The following DNAH12 variants were observed in gnomAD, a reference collection of about 807,000 sequenced individuals.
DNAH12 encodes axonemal beta dynein heavy chain 12.
A neutral mutation model predicts 371.5 loss-of-function variants in DNAH12; 285 were observed. The ratio of observed to expected loss-of-function variants is 0.77; its 90% CI spans 0.70 to 0.85. The LOEUF (loss-of-function observed/expected upper bound fraction) is 0.85. DNAH12 is among the 40% of genes least tolerant of loss of function. The pLI, the probability that DNAH12 is intolerant of heterozygous loss-of-function variation, is 0.00. For synonymous variants in DNAH12, 1,200 were observed against 1,213.0 expected (o/e 0.99, Z 0.22); for missense variants, 3,611 against 3,689.4 (o/e 0.98, Z 0.55).
chr3:57,355,332 C>T lies in DNAH12; in HGVS notation c.9533+1844G>A, dbSNP rs1047583803. ...GTCATTAATGGTTCATGTACTCAAACATATAATAAAATTAAAGTCAACAAA... is the reference window on the plus strand; with the variant it reads ...GTCATTAATGGTTCATGTACTCAAATATATAATAAAATTAAAGTCAACAAA... On this transcript the variant is annotated intron_variant, in intron 59 of 73. Coordinates refer to ENST00000495027, the MANE Select transcript of DNAH12 (RefSeq NM_001366028.2). Among the ~76,000 whole-genome samples, 671 of 151,932 alleles carry T rather than the reference C, an allele frequency of 4.4e-3. 7 individuals carry two copies. The highest frequency in any genetic ancestry group is 0.016 in the African/African-American group (652 of 41,448).
chr3:57,439,842 A>AG (rs34466126), intron 29 of DNAH12, among the ~76,000 whole-genome samples: 2 of 37,758 alleles, frequency 5.3e-5, no homozygotes, highest in Non-Finnish European at 1.2e-4. Context: ...ATTGAACAGG[A>AG]AAAAAAAACA....
chr3:57,441,488 T>A (rs951720225), intron 29 of DNAH12, among the ~76,000 whole-genome samples: 1 of 152,106 alleles, frequency 6.6e-6, no homozygotes, highest in African/African-American at 2.4e-5. Context: ...AATTAAGGCA[T>A]AAAAACATAT....
At position 57,448,093 on chromosome 3, in the gene DNAH12, T is replaced by C. The variant is rs375826609; in HGVS notation, c.3787-1404A>G. 2.6e-5 allele frequency among the ~76,000 whole-genome samples: 4 copies of C among 152,346 alleles called. No individual in the cohort carries two copies. In the East Asian group the frequency reaches 5.8e-4, roughly 22 times the overall value. ...AATGTTCACAAACATGTTCCCTTTA[T>C]TGTGAATAATAAATATACTAGTGTG... is the stretch of plus-strand genomic sequence containing the variant. On this transcript the variant is annotated intron_variant, in intron 25 of 73. Coordinates refer to ENST00000495027, the MANE Select transcript of DNAH12 (RefSeq NM_001366028.2).
intron 60 of DNAH12, among the ~76,000 whole-genome samples, chr3:57,344,980 A>C (rs1421297962): frequency 6.6e-6 from 1 of 152,092 alleles, no homozygotes; most frequent in Non-Finnish European, 1.5e-5. Flanking sequence ...TGACTCCCCC[A>C]AAACTTAACT....
At chr3:57,539,909 C>T (rs1282932906) in intron 2 of DNAH12, among the ~76,000 whole-genome samples, 2 of 151,092 alleles carry the variant, frequency 1.3e-5, no homozygotes, top group African/African-American at 4.9e-5. Flanking sequence ...AGCCACCGTG[C>T]CCGGCCCCAC....
rs1015408087 is a variant in DNAH12 at position 57,472,591 on chromosome 3, G to T, written c.1731C>A (p.Leu577=). The change falls in exon 14 of 74, where the codon CTC becomes CTA. Residue 577 remains leucine (L), a synonymous_variant. Coordinates refer to ENST00000495027, the MANE Select transcript of DNAH12 (RefSeq NM_001366028.2). ...TGGGATTAATTTTCCTAGGCCACAT[G>T]AGGACAGTTGCATTTAAAGCTAAGT... ...QEDLALNATV[L]MWPRKINPIF... is the part of the protein sequence containing the mutation. 6.4e-7 allele frequency: 1 copy of T among 1,550,856 alleles called. No homozygotes were observed. Among genetic ancestry groups the T allele is most frequent in the Non-Finnish European group, 8.7e-7 (1 of 1,146,756 alleles).
intron 12 of DNAH12, among the ~76,000 whole-genome samples, chr3:57,487,410 A>G (rs547826700): frequency 3.6e-5 from 3 of 83,234 alleles, no homozygotes; most frequent in East Asian, 5.2e-4. Flanking sequence ...AAAGAAAAAA[A>G]AGAAAAAGAA....
intron 39 of DNAH12, among the ~76,000 whole-genome samples, chr3:57,409,267 T>C (rs529280962): frequency 4.5e-4 from 69 of 152,260 alleles, no homozygotes; most frequent in Non-Finnish European, 6.2e-4. Context: ...CACAGACATA[T>C]ACATACAGAG....
At chr3:57,491,099 A>AAAAAAAACAAC (rs56259991) in intron 11 of DNAH12, among the ~76,000 whole-genome samples, 1 of 112,820 alleles carries the variant, frequency 8.9e-6, no homozygotes, top group African/African-American at 3.5e-5. Flanking sequence ...AAAAAAAAAA[A>AAAAAAAACAAC]AACAACAAAT....
intron 60 of DNAH12, among the ~76,000 whole-genome samples, chr3:57,349,310 C>CA (rs200906654): frequency 7.2e-5 from 11 of 151,766 alleles, no homozygotes; most frequent in African/African-American, 1.7e-4. Context: ...TGGCCACACA[C>CA]AAAAAAAATG....
intron 60 of DNAH12, among the ~76,000 whole-genome samples, chr3:57,336,023 T>C (rs7649563): frequency 0.88 from 133,146 of 152,162 alleles, 58,719 homozygotes; most frequent in African/African-American, 0.92. Context: ...CTCTGTCATC[T>C]AGCCTGGAAG....
At chr3:57,504,552 G>A (rs6445901) in intron 8 of DNAH12, among the ~76,000 whole-genome samples, 66,402 of 151,634 alleles carry the variant, frequency 0.44, 15,689 homozygotes, top group South Asian at 0.58. Context: ...CTGGGACTAC[G>A]GCGCGTGCCA....
intron 62 of DNAH12, 122 bp from the exon 63 acceptor site, chr3:57,323,741 T>A: frequency 9.9e-7 from 1 of 1,008,782 alleles, no homozygotes; most frequent in Middle Eastern, 3.0e-4. Context: ...GCATATAGCA[T>A]CATAGACAAA....
intron 17 of DNAH12, among the ~76,000 whole-genome samples, chr3:57,466,368 T>C (rs1346591496): frequency 6.6e-6 from 1 of 152,206 alleles, no homozygotes; most frequent in East Asian, 1.9e-4. Flanking sequence ...TGTCTCTTTT[T>C]ATATTTTTTA....
chr3:57,446,571 C>G lies in DNAH12; in HGVS notation c.3905G>C (p.Cys1302Ser). 6.5e-7 allele frequency: 1 copy of G among 1,543,634 alleles called. No homozygotes were observed. The highest frequency in any genetic ancestry group is 2.4e-5 in the East Asian group (1 of 40,836). Residue 1302 changes from cysteine to serine, a missense_variant, in exon 26 of 74, where the codon TGT becomes TCT. Physicochemically the swap from Cys to Ser is moderately radical, Grantham distance 112 (BLOSUM62 -1). This residue lies in a region of DNAH12 where 2,266 missense variants were observed against 2,236.9 expected (regional missense o/e 1.01). Transcript: ENST00000495027. The part of the protein sequence containing the change: ...ALAVQCVVFN[C>S]SDGLDYLAMG... The stretch of plus-strand genomic sequence containing the variant: ...TGCTAGATAATCTAGCCCATCAGAA[C>G]AGTTGAACACCACACACTGTACAGC...
chr3:57,462,831 T>G lies in DNAH12; in HGVS notation c.2394A>C (p.Arg798Ser), dbSNP rs1282254715. ...CTGATATCTGTTTCCAGTGACGAGC[T>G]CTCATTCCTGGATTGCACAGAATGG... ...TVSILCNPGM[R>S]ARHWKQISEI... The change falls in exon 18 of 74, where the codon AGA (arginine) becomes AGC (serine). Residue 798 changes from arginine to serine, a missense_variant. Arg to Ser is a moderately radical substitution (Grantham distance 110). Around this residue, in one of 3 missense-constraint regions of DNAH12, gnomAD observed 1,314 missense variants for 1,398.7 expected, o/e 0.94. Coordinates refer to ENST00000495027, the MANE Select transcript of DNAH12 (RefSeq NM_001366028.2). 1.9e-6 allele frequency: 3 copies of G among 1,551,436 alleles called. No individual in the cohort carries two copies. The highest frequency in any genetic ancestry group is 2.6e-6 in the Non-Finnish European group (3 of 1,146,926).
At chr3:57,295,908 C>G (rs2061224260) in intron 72 of DNAH12, among the ~76,000 whole-genome samples, 1 of 152,106 alleles carries the variant, frequency 6.6e-6, no homozygotes, top group Non-Finnish European at 1.5e-5. Flanking sequence ...AATAGTATTG[C>G]TTAATTTCCT....
At chr3:57,509,627 C>CA (rs370135668) in intron 5 of DNAH12, among the ~76,000 whole-genome samples, 3,545 of 151,848 alleles carry the variant, frequency 0.023, 60 homozygotes, top group Middle Eastern at 0.034. Flanking sequence ...TTTGAGAAGC[C>CA]AAGGAGGGCA....
intron 32 of DNAH12, among the ~76,000 whole-genome samples, chr3:57,430,981 T>G (rs2064938636): frequency 6.6e-6 from 1 of 152,224 alleles, no homozygotes; most frequent in Admixed American, 6.5e-5. Flanking sequence ...TAATCCACAC[T>G]TCAAATGCTC....
Sources: allele counts gnomAD v4.1 joint callset (sites outside exome capture counted in the v4.1 genomes callset), GRCh38; gene constraint gnomAD v4.1.1; regional missense constraint gnomAD v4.1.1; transcripts MANE v1.5; gene names NCBI Gene and HGNC (gene_info 2026-07-23, HGNC 2026-07-21).